Variants in NCALD observed in about 807,000 individuals in gnomAD.
NCALD encodes neurocalcin delta.
In NCALD, 10 loss-of-function variants were observed where a neutral mutation model predicts 18.6. The ratio of observed to expected loss-of-function variants is 0.54; its 90% CI spans 0.33 to 0.91. NCALD has a LOEUF of 0.91. Among genes scored for constraint, NCALD ranks in the 40% least tolerant of loss-of-function variants. The pLI, the probability that NCALD is intolerant of heterozygous loss-of-function variation, is 0.03. For synonymous variants in NCALD, 88 were observed against 87.4 expected (o/e 1.01, Z -0.04); for missense variants, 184 against 247.6 (o/e 0.74, Z 1.72).
intron 4 of NCALD, among the ~76,000 whole-genome samples, chr8:101,855,172 A>G (rs1383089261): frequency 6.6e-6 from 1 of 152,180 alleles, no homozygotes; most frequent in Non-Finnish European, 1.5e-5. Context: ...GAAGAAGAGT[A>G]GTTGCAAGTA....
chr8:101,710,715 A>T (rs1309600018), intron 2 of NCALD, among the ~76,000 whole-genome samples: 1 of 152,194 alleles, frequency 6.6e-6, no homozygotes. Flanking sequence ...GCCTCTCTAG[A>T]TTCTTCCTCT....
At chr8:101,798,134 C>T (rs1812709451) in intron 4 of NCALD, among the ~76,000 whole-genome samples, 1 of 152,132 alleles carries the variant, frequency 6.6e-6, no homozygotes, top group Admixed American at 6.5e-5. Flanking sequence ...ACTGATTCAA[C>T]AGCATGCCAA....
intron 1 of NCALD, among the ~76,000 whole-genome samples, chr8:101,743,053 AT>A (rs1195897914): frequency 6.6e-6 from 1 of 152,192 alleles, no homozygotes; most frequent in Non-Finnish European, 1.5e-5. Context: ...TTACATATGT[AT>A]TAAAGAGTGT....
chr8:101,935,328 T>G (rs984627119), intron 2 of NCALD, among the ~76,000 whole-genome samples: 2 of 152,200 alleles, frequency 1.3e-5, no homozygotes, highest in Non-Finnish European at 2.9e-5. Context: ...GGATAAGATT[T>G]TATTTACATC....
At chr8:102,089,822 T>C (rs1249360008) in intron 1 of NCALD, among the ~76,000 whole-genome samples, 1 of 152,368 alleles carries the variant, frequency 6.6e-6, no homozygotes, top group Non-Finnish European at 1.5e-5. Context: ...AAATTCTGTG[T>C]GTGAACTAAA....
rs531276891 is a variant in NCALD, at chr8:101,884,964, G to A, written c.-20+2177C>T. Among the ~76,000 whole-genome samples the A allele has an allele frequency of 1.1e-4, 17 of 152,214 alleles. 1 individual carries two copies. In the East Asian group the frequency reaches 2.7e-3, roughly 24 times the overall value. Reference sequence around the variant, plus strand: ...ACAAAATCAATGTTTTTTGACAGAGGGGAATTTGTGGGACATTGAAAATAC... The same window carrying A: ...ACAAAATCAATGTTTTTTGACAGAGAGGAATTTGTGGGACATTGAAAATAC... On this transcript the variant is annotated intron_variant, in intron 4 of 6. Coordinates refer to the NCALD transcript ENST00000311028.
chr8:101,758,297 C>T (rs183797617), intron 1 of NCALD, among the ~76,000 whole-genome samples: 39 of 152,280 alleles, frequency 2.6e-4, no homozygotes, highest in African/African-American at 9.4e-4. Flanking sequence ...TCTTAGCAGG[C>T]CCCAGCTCTC....
intron 4 of NCALD, among the ~76,000 whole-genome samples, chr8:101,852,052 C>T (rs775345319): frequency 6.6e-5 from 10 of 152,156 alleles, no homozygotes; most frequent in Non-Finnish European, 1.2e-4. Context: ...AACAGGCCTT[C>T]ACCTCACTGA....
At chr8:102,054,230 T>A (rs1823552568) in intron 1 of NCALD, among the ~76,000 whole-genome samples, 1 of 152,160 alleles carries the variant, frequency 6.6e-6, no homozygotes, top group Admixed American at 6.5e-5. Context: ...CCCTTGATGG[T>A]TAATTTTACA....
At chr8:101,803,675 A>G (rs138605187) in intron 4 of NCALD, among the ~76,000 whole-genome samples, 36 of 152,262 alleles carry the variant, frequency 2.4e-4, no homozygotes, top group African/African-American at 8.4e-4. Context: ...TATTAACAGG[A>G]GTTTGGGAGA....
chr8:101,910,004 C>T (rs1817736472), intron 3 of NCALD, among the ~76,000 whole-genome samples: 1 of 152,056 alleles, frequency 6.6e-6, no homozygotes, highest in Non-Finnish European at 1.5e-5. Flanking sequence ...ATTGGGAGTG[C>T]ATTATTTTGG....
Position 101,689,710 on chromosome 8 carries a change from G to T in NCALD, c.485-304C>A, listed in dbSNP as rs1814629974. On this transcript the variant is annotated intron_variant, in intron 3 of 3. Transcript: ENST00000220931. This position sits in a 1 kb window ranked among gnomAD's most constrained non-coding sequence, Gnocchi z 4.4. Reference sequence around the variant, plus strand: ...TGGGGAGAGGGTGGTGGATGATGCTGACTTGGTCCCTGACCTCCTGGCTCC... The same window carrying T: ...TGGGGAGAGGGTGGTGGATGATGCTTACTTGGTCCCTGACCTCCTGGCTCC... 6.6e-6 allele frequency among the ~76,000 whole-genome samples: 1 copy of T among 152,168 alleles called. No homozygotes were observed. Among genetic ancestry groups the T allele is most frequent in the Admixed American group, 6.5e-5 (1 of 15,280 alleles).
chr8:102,117,348 T>C (rs1044835925), intron 1 of NCALD, among the ~76,000 whole-genome samples: 1 of 152,190 alleles, frequency 6.6e-6, no homozygotes. Flanking sequence ...ATGAGTCTAA[T>C]CCCTTTCCCT....
At chr8:101,858,360 TAC>T (rs1340308245) in intron 4 of NCALD, among the ~76,000 whole-genome samples, 2 of 152,142 alleles carry the variant, frequency 1.3e-5, no homozygotes, top group African/African-American at 4.8e-5. Flanking sequence ...AGGCACCAGA[TAC>T]CTCTGAAAAT....
intron 4 of NCALD, among the ~76,000 whole-genome samples, chr8:101,836,848 T>C (rs1324659714): frequency 6.6e-6 from 1 of 152,242 alleles, no homozygotes; most frequent in Non-Finnish European, 1.5e-5. Flanking sequence ...TTTAAGTTTT[T>C]ATGTTAGTCT....
intron 2 of NCALD, among the ~76,000 whole-genome samples, chr8:101,953,436 T>A (rs1399090271): frequency 6.6e-6 from 1 of 152,186 alleles, no homozygotes; most frequent in Non-Finnish European, 1.5e-5. Flanking sequence ...GGAGAGACAT[T>A]AAGAGTTGAG....
chr8:101,905,595 C>A (rs2131583697), intron 3 of NCALD, among the ~76,000 whole-genome samples: 1 of 152,316 alleles, frequency 6.6e-6, no homozygotes, highest in Non-Finnish European at 1.5e-5. Flanking sequence ...AGTCCCCCAA[C>A]TTCTACTTAC....
chr8:102,019,236 G>A (rs1467458137), intron 2 of NCALD, among the ~76,000 whole-genome samples: 1 of 151,612 alleles, frequency 6.6e-6, no homozygotes, highest in East Asian at 1.9e-4. Context: ...CACCAGAAGA[G>A]CTTAACTAAA....
intron 4 of NCALD, among the ~76,000 whole-genome samples, chr8:101,885,117 G>A (rs1318130137): frequency 6.6e-6 from 1 of 152,166 alleles, no homozygotes; most frequent in Non-Finnish European, 1.5e-5. Flanking sequence ...TAACTAAGAA[G>A]CTAGTCACAT....
Sources: gnomAD v4.1 joint callset for allele counts (sites outside exome capture counted in the v4.1 genomes callset) on GRCh38, gnomAD v4.1.1 for gene constraint, Gnocchi (gnomAD v3.1) non-coding constraint, MANE v1.5 for transcripts, NCBI Gene and HGNC (gene_info 2026-07-23, HGNC 2026-07-21) for gene names.